CCDC126: variants seen among roughly 807,000 people sequenced by gnomAD.
CCDC126 encodes the protein coiled-coil domain-containing protein 126.
CCDC126 carries 5 observed loss-of-function variants against 11.7 expected under a neutral mutation model. The observed-to-expected ratio is 0.43, with a 90% CI of 0.22 to 0.90. CCDC126 has a LOEUF of 0.90. Ranked by LOEUF, CCDC126 falls within the 40% of genes least tolerant of loss-of-function variation. The pLI, the probability that CCDC126 is intolerant of heterozygous loss-of-function variation, is 0.27. For missense variants in CCDC126, 150 were observed against 163.1 expected, an observed-to-expected ratio of 0.92 and a Z score of 0.44; for synonymous variants, 60 against 61.9, an observed-to-expected ratio of 0.97 and a Z score of 0.14.
At chr7:23,613,528 G>T (rs930041737) in intron 3 of CCDC126, among the ~76,000 whole-genome samples, 1 of 151,968 alleles carries the variant, frequency 6.6e-6, no homozygotes, top group East Asian at 1.9e-4. Flanking sequence ...TCAGTTATAG[G>T]TGTTATCTGT....
intron 3 of CCDC126, among the ~76,000 whole-genome samples, chr7:23,631,967 C>A (rs1783123923): frequency 6.6e-6 from 1 of 151,974 alleles, no homozygotes. Flanking sequence ...TTACACCCAG[C>A]TAGGCAAATA....
intron 2 of CCDC126, among the ~76,000 whole-genome samples, chr7:23,598,815 T>C (rs1263303255): frequency 6.6e-6 from 1 of 152,222 alleles, no homozygotes; most frequent in Non-Finnish European, 1.5e-5. Flanking sequence ...ATAGGAGTCC[T>C]TAGTTTTGTC....
chr7:23,643,129 CCTTGTG>C lies in CCDC126; in HGVS notation c.*17_*22del. 6.2e-7 allele frequency: 1 copy of C among 1,609,068 alleles called. No homozygotes were observed. Among genetic ancestry groups the C allele is most frequent in the Middle Eastern group, 1.7e-4 (1 of 6,050 alleles). On this transcript the variant is annotated 3_prime_UTR_variant, in exon 4 of 4. Transcript: ENST00000307471. Reference sequence around the variant, plus strand: ...AGTATCAGATAGCAGTTGAAAATCACCTTGTGCTGCTCCATCCACTGTGGATTATAT... The same window carrying C: ...AGTATCAGATAGCAGTTGAAAATCACCTGCTCCATCCACTGTGGATTATAT...
intron 2 of CCDC126, among the ~76,000 whole-genome samples, chr7:23,607,062 G>A (rs1433682479): frequency 3.9e-5 from 6 of 152,164 alleles, no homozygotes; most frequent in African/African-American, 1.4e-4. Flanking sequence ...TCGTGCTACT[G>A]TACTGCAAGC....
chr7:23,631,889 C>T (rs1362139037), intron 3 of CCDC126, among the ~76,000 whole-genome samples: 2 of 151,962 alleles, frequency 1.3e-5, no homozygotes, highest in Non-Finnish European at 2.9e-5. Flanking sequence ...TACTTTAATG[C>T]AATCTTTTCC....
intron 3 of CCDC126, among the ~76,000 whole-genome samples, chr7:23,642,100 CT>C (rs1562501383): frequency 6.6e-6 from 1 of 152,174 alleles, no homozygotes; most frequent in African/African-American, 2.4e-5. Flanking sequence ...CAAGCTCTGC[CT>C]CCCCGGTTCA....
chr7:23,643,697 G>T lies in CCDC126; in HGVS notation c.*582G>T, dbSNP rs1476970034. 6.6e-6 allele frequency: 1 copy of T among 152,542 alleles called. No homozygotes were observed. Among genetic ancestry groups the T allele is most frequent in the Non-Finnish European group, 1.5e-5 (1 of 68,000 alleles). 9.4% of individuals were successfully genotyped at this position (152,542 alleles called of 1,614,324 possible). A position where few individuals can be genotyped will look rare whatever the true frequency, so the allele number is the denominator to read the frequency against. The stretch of plus-strand genomic sequence containing the variant: ...GCACTATCCTTCAGAATAACTGAAG[G>T]TTAATTATTGTATATTTTTAAAAAT... On this transcript the variant is annotated 3_prime_UTR_variant, in exon 4 of 4. Coordinates refer to ENST00000307471, the MANE Select transcript of CCDC126 (RefSeq NM_138771.4).
intron 2 of CCDC126, among the ~76,000 whole-genome samples, chr7:23,608,797 A>T (rs1782660066): frequency 6.6e-6 from 1 of 152,256 alleles, no homozygotes; most frequent in Non-Finnish European, 1.5e-5. Flanking sequence ...TAATTCATGC[A>T]GAGCCAGCTG....
chr7:23,639,386 G>T (rs1355405208), intron 3 of CCDC126, among the ~76,000 whole-genome samples: 3 of 151,892 alleles, frequency 2.0e-5, no homozygotes, highest in Non-Finnish European at 2.9e-5. Flanking sequence ...GTGGAGACGG[G>T]GTTTCACCAT....
intron 3 of CCDC126, among the ~76,000 whole-genome samples, chr7:23,634,983 T>A (rs183784165): frequency 2.0e-4 from 31 of 152,350 alleles, no homozygotes; most frequent in Admixed American, 1.1e-3. Flanking sequence ...ATCTTTAGCA[T>A]ACTTAATAGC....
chr7:23,628,272 G>A (rs997182535), intron 3 of CCDC126, among the ~76,000 whole-genome samples: 1 of 151,804 alleles, frequency 6.6e-6, no homozygotes, highest in Non-Finnish European at 1.5e-5. Flanking sequence ...AGGAGAAAAA[G>A]TCAGACAGTC....
chr7:23,613,520 A>G (rs1584199269), intron 3 of CCDC126, among the ~76,000 whole-genome samples: 2 of 151,962 alleles, frequency 1.3e-5, no homozygotes, highest in Admixed American at 1.3e-4. Context: ...CCGATTTTTC[A>G]GTTATAGGTG....
chr7:23,598,392 CTT>C (rs1166610600), intron 2 of CCDC126: 1 of 152,206 alleles, frequency 6.6e-6, no homozygotes, highest in Admixed American at 6.5e-5. Context: ...GTGTTCTTCA[CTT>C]TATCTTAAAC....
Position 23,611,346 on chromosome 7 carries a change from T to C in CCDC126, c.31T>C (p.Ser11Pro), listed in dbSNP as rs1446489382. ...TTTTACAATCTCAAGAAAAAATATG[T>C]CCCAGAAATTGAGTTTACTGTTGCT... MFFTISRKNM[S>P]QKLSLLLLVF... The change falls in exon 3 of 4, where the codon TCC becomes CCC. Residue 11 changes from serine (S) to proline (P), a missense_variant. Ser to Pro is a moderately conservative substitution (Grantham distance 74, BLOSUM62 -1). Transcript: ENST00000307471. 1 of 1,612,868 alleles carries C rather than the reference T, an allele frequency of 6.2e-7. No individual in the cohort carries two copies. The highest frequency in any genetic ancestry group is 8.5e-7 in the Non-Finnish European group (1 of 1,179,166).
intron 3 of CCDC126, among the ~76,000 whole-genome samples, chr7:23,625,845 G>A (rs547383953): frequency 6.6e-6 from 1 of 151,642 alleles, no homozygotes; most frequent in African/African-American, 2.4e-5. Context: ...TTTTAGTAGA[G>A]ACGGGGTTTC....
intron 3 of CCDC126, among the ~76,000 whole-genome samples, chr7:23,618,456 G>C (rs904556016): frequency 1.3e-5 from 2 of 151,570 alleles, no homozygotes; most frequent in East Asian, 3.9e-4. Flanking sequence ...GGCCTACCAT[G>C]ACTAATAAAG....
At chr7:23,621,193 G>T (rs1782890572) in intron 3 of CCDC126, among the ~76,000 whole-genome samples, 1 of 152,200 alleles carries the variant, frequency 6.6e-6, no homozygotes, top group Non-Finnish European at 1.5e-5. Flanking sequence ...TCACGATATT[G>T]ATTCTTCCTA....
chr7:23,643,199 A>G lies in CCDC126; in HGVS notation c.*84A>G. On this transcript the variant is annotated 3_prime_UTR_variant, in exon 4 of 4. Coordinates refer to ENST00000307471, the MANE Select transcript of CCDC126 (RefSeq NM_138771.4). ...AGCTTTATAATTGCTGGCTTAGGACAGAGCAATACTTTACAATAAAAGCTC... is the reference window on the plus strand; with the variant it reads ...AGCTTTATAATTGCTGGCTTAGGACGGAGCAATACTTTACAATAAAAGCTC... 8.7e-7 allele frequency: 1 copy of G among 1,155,008 alleles called. No homozygotes were observed. The highest frequency in any genetic ancestry group is 2.6e-5 in the East Asian group (1 of 38,640). The allele number at this position is 1,155,008 out of a possible 1,614,324, so 71.5% of individuals were successfully genotyped here.
intron 3 of CCDC126, among the ~76,000 whole-genome samples, chr7:23,634,058 A>G (rs1012089575): frequency 6.6e-6 from 1 of 152,236 alleles, no homozygotes; most frequent in Non-Finnish European, 1.5e-5. Context: ...GTGTGTACAT[A>G]CAGGTTTATC....
Sources: gnomAD v4.1 joint callset for allele counts (sites outside exome capture counted in the v4.1 genomes callset) on GRCh38, gnomAD v4.1.1 for gene constraint, MANE v1.5 for transcripts, NCBI Gene and HGNC (gene_info 2026-07-23, HGNC 2026-07-21) for gene names.